The following DHODH variants were observed in gnomAD, a reference collection of about 807,000 sequenced individuals.
DHODH encodes dihydroorotate dehydrogenase (quinone), mitochondrial.
DHODH carries 30 observed loss-of-function variants against 39.7 expected under a neutral mutation model. That is an observed-to-expected ratio of 0.76 (90% CI 0.57 to 1.02). The LOEUF (loss-of-function observed/expected upper bound fraction) is 1.02. DHODH is among the 50% of genes least tolerant of loss of function. The pLI is 0.00. For missense variants in DHODH, 531 were observed against 520.8 expected, an observed-to-expected ratio of 1.02 and a Z score of -0.19; for synonymous variants, 222 against 213.8, an observed-to-expected ratio of 1.04 and a Z score of -0.34.
rs369181023 is a variant in DHODH, at chr16:72,023,226, G to A, written c.881G>A (p.Gly294Asp). ...TTVSRPAGLQ[G>D]ALRSETGGLS... is the part of the protein sequence containing the mutation. ...GTGAGTCGCCCTGCGGGCCTCCAGGGTGCCCTGCGCTCTGAAACAGGAGGG... is the reference window on the plus strand; with the variant it reads ...GTGAGTCGCCCTGCGGGCCTCCAGGATGCCCTGCGCTCTGAAACAGGAGGG... Residue 294 changes from glycine (G) to aspartate (D), a missense_variant, in exon 7 of 9, where the codon GGT (glycine) becomes GAT (aspartate). Coordinates refer to ENST00000219240, the MANE Select transcript of DHODH (RefSeq NM_001361.5). 2.1e-4 allele frequency: 339 copies of A among 1,614,094 alleles called. No homozygotes were observed. The highest frequency in any genetic ancestry group is 2.6e-4 in the Non-Finnish European group (303 of 1,180,044).
At chr16:72,014,181 G>A (rs4788600) in intron 2 of DHODH, among the ~76,000 whole-genome samples, 3 of 151,968 alleles carry the variant, frequency 2.0e-5, no homozygotes, top group Admixed American at 6.5e-5. Context: ...GCTCGTCTCC[G>A]CTTCAACCCA....
chr16:72,012,300 G>A, intron 2 of DHODH, 38 bp downstream of exon 2: 1 of 1,593,458 alleles, frequency 6.3e-7, no homozygotes, highest in Non-Finnish European at 8.6e-7. Context: ...AAATACAAAG[G>A]CGAAGGCTGC....
At chr16:72,013,823 C>T (rs1238598981) in intron 2 of DHODH, 1 of 156,970 alleles carries the variant, frequency 6.4e-6, no homozygotes, top group African/African-American at 2.4e-5. Flanking sequence ...TGGAGCATCT[C>T]TCTTAATCCC....
At chr16:72,022,086 C>T (rs2143999123) in intron 5 of DHODH, among the ~76,000 whole-genome samples, 1 of 138,142 alleles carries the variant, frequency 7.2e-6, no homozygotes, top group East Asian at 2.1e-4. Context: ...AGAGTGCGAC[C>T]TTGTCTCAAA....
At chr16:72,015,345 C>T (rs1053650168) in intron 3 of DHODH, among the ~76,000 whole-genome samples, 2 of 152,244 alleles carry the variant, frequency 1.3e-5, no homozygotes, top group Non-Finnish European at 2.9e-5. Flanking sequence ...AGCACAGCCC[C>T]AGCCTTTAGC....
At position 72,023,521 on chromosome 16, in the gene DHODH, G is replaced by A. The variant is rs755725567; in HGVS notation, c.1021G>A (p.Ala341Thr). The A allele has an allele frequency of 6.2e-6, 10 of 1,614,102 alleles. No homozygotes were observed. Among genetic ancestry groups the A allele is most frequent in the South Asian group, 5.5e-5 (5 of 91,070 alleles). ...GVGGVSSGQD[A>T]LEKIRAGASL... is the part of the protein sequence containing the mutation. ...TGGTGGTGTGAGCAGCGGGCAGGAC[G>A]CGCTGGAGAAGATCCGGGCAGGGGC... Residue 341 changes from alanine to threonine, a missense_variant, in exon 8 of 9, where the codon GCG (alanine) becomes ACG (threonine). By Grantham distance (58) the Ala-to-Thr change is moderately conservative. Coordinates refer to ENST00000219240, the MANE Select transcript of DHODH (RefSeq NM_001361.5).
At chr16:72,009,898 G>A (rs2041064953) in intron 1 of DHODH, among the ~76,000 whole-genome samples, 1 of 152,186 alleles carries the variant, frequency 6.6e-6, no homozygotes, top group South Asian at 2.1e-4. Context: ...ACCGCGCTCG[G>A]CCTGAGTCTC....
chr16:72,026,221 A>G lies in DHODH; in HGVS notation c.*2022A>G, dbSNP rs2041275455. ...CCCTCCTCATTCTCTCTGGGCTTTG[A>G]TGCTCTCTGTGAGTCATCTGCCCTC... On this transcript the variant is annotated 3_prime_UTR_variant, in exon 9 of 9. Coordinates refer to ENST00000219240, the MANE Select transcript of DHODH (RefSeq NM_001361.5). 1 of 152,298 alleles carries G rather than the reference A, an allele frequency of 6.6e-6. No individual in the cohort carries two copies. The highest frequency in any genetic ancestry group is 6.5e-5 in the Admixed American group (1 of 15,268). 9.4% of individuals were successfully genotyped at this position (152,298 alleles called of 1,614,324 possible).
chr16:72,009,165 G>A (rs2041053920), intron 1 of DHODH: 29 of 1,112,746 alleles, frequency 2.6e-5, no homozygotes, highest in Non-Finnish European at 3.1e-5. Flanking sequence ...TTTGTTAGGG[G>A]CGGGGGTCTC....
At position 72,022,356 on chromosome 16, in the gene DHODH, C is replaced by T; in HGVS notation, c.706-6C>T. On this transcript the variant is annotated splice_polypyrimidine_tract_variant and splice_region_variant and intron_variant, in intron 5 of 8. Transcript: ENST00000219240. ...GGTCCCCAGCTCTGGCCGTGTGTCG[C>T]CCTAGGTGCTGCAGGAGAGGGATGG... is the stretch of plus-strand genomic sequence containing the variant. 1.3e-6 allele frequency: 2 copies of T among 1,551,082 alleles called. No individual in the cohort carries two copies. Among genetic ancestry groups the T allele is most frequent in the South Asian group, 1.2e-5 (1 of 84,088 alleles).
chr16:72,015,049 C>T (rs573140875), intron 3 of DHODH, among the ~76,000 whole-genome samples: 2 of 151,940 alleles, frequency 1.3e-5, no homozygotes, highest in Admixed American at 6.6e-5. Context: ...TAATGTGAGC[C>T]CCATATGTAA....
rs769578224 is a variant in DHODH at position 72,023,274 on chromosome 16, A to T, written c.929A>T (p.Asp310Val). 37 of 1,614,090 alleles carry T rather than the reference A, an allele frequency of 2.3e-5. No homozygotes were observed. Among genetic ancestry groups the T allele is most frequent in the Non-Finnish European group, 3.1e-5 (36 of 1,180,034 alleles). ...TGGLSGKPLRDLSTQTIREMY... is the reference protein window; with the variant it reads ...TGGLSGKPLRVLSTQTIREMY... ...GGGCTGAGTGGGAAGCCCCTCCGGG[A>T]TTTATCAACTCAAACCATTCGGGAG... Residue 310 changes from aspartate (D) to valine (V), a missense_variant, in exon 7 of 9, where the codon GAT becomes GTT. Physicochemically the swap from Asp to Val is radical, Grantham distance 152. Coordinates refer to ENST00000219240, the MANE Select transcript of DHODH (RefSeq NM_001361.5).
At chr16:72,017,225 C>G (rs962546121) in intron 4 of DHODH, 119 bp downstream of exon 4, 12 of 956,776 alleles carry the variant, frequency 1.3e-5, no homozygotes, top group Non-Finnish European at 2.0e-5. Flanking sequence ...CCACTGAGGA[C>G]CTCAGGACAC....
At chr16:72,014,725 G>A (rs1021103679) in intron 3 of DHODH, 53 bp downstream of exon 3, 65 of 1,555,088 alleles carry the variant, frequency 4.2e-5, no homozygotes, top group Admixed American at 2.4e-4. Context: ...AGCTGGGGGC[G>A]TTCAGAGATA....
chr16:72,017,770 C>CTGTTTTTTTTTT (rs2085015894), intron 4 of DHODH, among the ~76,000 whole-genome samples: 1 of 103,800 alleles, frequency 9.6e-6, no homozygotes, highest in Non-Finnish European at 1.8e-5. Flanking sequence ...AAACAACATG[C>CTGTTTTTTTTTT]TTTTTTTTTT....
intron 4 of DHODH, among the ~76,000 whole-genome samples, chr16:72,017,469 C>T (rs886459587): frequency 5.3e-5 from 8 of 152,128 alleles, no homozygotes; most frequent in African/African-American, 1.4e-4. Context: ...CCTTTTTTGT[C>T]ATCCATTGTG....
At chr16:72,017,440 C>A (rs972523827) in intron 4 of DHODH, among the ~76,000 whole-genome samples, 1 of 152,172 alleles carries the variant, frequency 6.6e-6, no homozygotes, top group African/African-American at 2.4e-5. Flanking sequence ...GTCATCCTCC[C>A]GTGGCCCACT....
chr16:72,023,459 T>C lies in DHODH; in HGVS notation c.974-15T>C. On this transcript the variant is annotated splice_polypyrimidine_tract_variant and intron_variant, in intron 7 of 8. Coordinates refer to ENST00000219240, the MANE Select transcript of DHODH (RefSeq NM_001361.5). Reference sequence around the variant, plus strand: ...CACATCCTTCTTTATGGTGTCGCCATGTGCTTCTCTGTAGGCCGAGTTCCC... The same window carrying C: ...CACATCCTTCTTTATGGTGTCGCCACGTGCTTCTCTGTAGGCCGAGTTCCC... The C allele has an allele frequency of 6.2e-7, 1 of 1,614,184 alleles. No individual in the cohort carries two copies. Among genetic ancestry groups the C allele is most frequent in the Non-Finnish European group, 8.5e-7 (1 of 1,180,036 alleles).
At position 72,011,888 on chromosome 16, in the gene DHODH, T is replaced by A. The variant is rs144600696; in HGVS notation, c.22-162T>A. On this transcript the variant is annotated intron_variant, in intron 1 of 8. Transcript: ENST00000219240. The stretch of plus-strand genomic sequence containing the variant: ...TGAAGAAGGTGTGTAGGCAGAAGTA[T>A]AGATACAGCCTCTGACTGTAGAGAC... Among the ~76,000 whole-genome samples the A allele has an allele frequency of 5.8e-3, 882 of 152,286 alleles. 9 individuals are homozygous for A. Among genetic ancestry groups the A allele is most frequent in the African/African-American group, 0.02 (837 of 41,556 alleles).
Sources: gnomAD v4.1 joint callset for allele counts (sites outside exome capture counted in the v4.1 genomes callset) on GRCh38, gnomAD v4.1.1 for gene constraint, MANE v1.5 for transcripts, NCBI Gene and HGNC (gene_info 2026-07-23, HGNC 2026-07-21) for gene names.